SH2D7: variants seen among roughly 807,000 people sequenced by gnomAD.
SH2D7 encodes the protein SH2 domain-containing protein 7.
A neutral mutation model predicts 40.8 loss-of-function variants in SH2D7; 32 were observed. The observed-to-expected ratio is 0.78, with a 90% CI of 0.59 to 1.05. The LOEUF (loss-of-function observed/expected upper bound fraction) is 1.05. Ranked by LOEUF, SH2D7 falls within the 50% of genes least tolerant of loss-of-function variation. The pLI is 0.00. For synonymous variants in SH2D7, 195 were observed against 221.5 expected, an observed-to-expected ratio of 0.88 and a Z score of 1.06; for missense variants, 559 against 566.6, an observed-to-expected ratio of 0.99 and a Z score of 0.14.
intron 2 of SH2D7, 134 bp downstream of exon 2, chr15:78,094,335 A>G: frequency 1.3e-6 from 1 of 748,258 alleles, no homozygotes; most frequent in South Asian, 1.8e-5. Flanking sequence ...TCAATCATCC[A>G]TCACATGCTC....
At chr15:78,092,869 G>C (rs868722018) in intron 1 of SH2D7, 109 bp downstream of exon 1, 1 of 1,339,798 alleles carries the variant, frequency 7.5e-7, no homozygotes, top group Middle Eastern at 1.9e-4. Context: ...CCCTGGGCTA[G>C]GCAGGGGCCC....
At chr15:78,100,834 T>C in intron 4 of SH2D7, 65 bp from the exon 5 acceptor site, 1 of 1,562,768 alleles carries the variant, frequency 6.4e-7, no homozygotes, top group Non-Finnish European at 8.7e-7. Context: ...CTGAGAGAGT[T>C]TTTACTGGAG....
intron 2 of SH2D7, among the ~76,000 whole-genome samples, chr15:78,096,974 C>T (rs1317051536): frequency 3.3e-5 from 5 of 152,050 alleles, no homozygotes; most frequent in Admixed American, 6.6e-5. Flanking sequence ...AGCCCAAATC[C>T]GGAAACTACC....
At chr15:78,103,388 T>G in intron 5 of SH2D7, 77 bp from the exon 6 acceptor site, 2 of 1,522,704 alleles carry the variant, frequency 1.3e-6, no homozygotes, top group Non-Finnish European at 1.8e-6. Context: ...CCAAGGTCAA[T>G]GAGGGGTCCT....
At chr15:78,103,414 T>C in intron 5 of SH2D7, 51 bp from the exon 6 acceptor site, 2 of 1,548,386 alleles carry the variant, frequency 1.3e-6, no homozygotes, top group Admixed American at 3.9e-5. Flanking sequence ...CCTGGGTCTT[T>C]CCCTCCCTGT....
intron 2 of SH2D7, among the ~76,000 whole-genome samples, chr15:78,094,941 G>T (rs1016498798): frequency 6.6e-6 from 1 of 152,228 alleles, no homozygotes; most frequent in South Asian, 2.1e-4. Context: ...CCAAGAGTAG[G>T]TTGGTCAGGA....
chr15:78,103,742 T>A lies in SH2D7; in HGVS notation c.*227T>A, dbSNP rs1019506177. On this transcript the variant is annotated 3_prime_UTR_variant, in exon 6 of 6. Transcript: ENST00000328828. Reference sequence around the variant, plus strand: ...GGCTATGTCCTGCTTTCCTTGTGCCTCCCATCCATGCACAGGAGGGACTGG... The same window carrying A: ...GGCTATGTCCTGCTTTCCTTGTGCCACCCATCCATGCACAGGAGGGACTGG... 3 of 552,634 alleles carry A rather than the reference T, an allele frequency of 5.4e-6. No homozygotes were observed. Among genetic ancestry groups the A allele is most frequent in the Non-Finnish European group, 9.7e-6 (3 of 310,526 alleles). The allele number at this position is 552,634 out of a possible 1,614,324, so 34.2% of individuals were successfully genotyped here.
In SH2D7 at chr15:78,097,920, G is replaced by A. The variant is rs1343857712; in HGVS notation, c.267-9G>A. The A allele has an allele frequency of 1.2e-6, 2 of 1,612,806 alleles. No homozygotes were observed. The highest frequency in any genetic ancestry group is 1.7e-6 in the Non-Finnish European group (2 of 1,179,246). ...CAGCAGCCCCAGACCACAAGCACTT[G>A]TGTTGCAGGGGCAGTGATCGCTGCC... On this transcript the variant is annotated splice_polypyrimidine_tract_variant and intron_variant, in intron 2 of 5. Transcript: ENST00000328828.
chr15:78,094,324 C>A, intron 2 of SH2D7, 123 bp downstream of exon 2: 1 of 802,266 alleles, frequency 1.2e-6, no homozygotes, highest in Non-Finnish European at 2.0e-6. Context: ...TCCTGAATCC[C>A]TCAATCATCC....
chr15:78,091,945 GTTC>G (rs1480136814), upstream of SH2D7, among the ~76,000 whole-genome samples: 1 of 152,162 alleles, frequency 6.6e-6, no homozygotes, highest in Non-Finnish European at 1.5e-5. Flanking sequence ...GTGCTCTCTT[GTTC>G]TTCTGCCTTT....
intron 2 of SH2D7, among the ~76,000 whole-genome samples, chr15:78,095,779 C>A (rs1467277116): frequency 2.0e-5 from 3 of 152,056 alleles, no homozygotes; most frequent in Non-Finnish European, 2.9e-5. Flanking sequence ...ACAAAAAGCG[C>A]TAATCTTAAA....
At chr15:78,092,915 G>A (rs980745931) in intron 1 of SH2D7, among the ~76,000 whole-genome samples, 155 bp downstream of exon 1, 2 of 152,236 alleles carry the variant, frequency 1.3e-5, no homozygotes, top group African/African-American at 2.4e-5. Flanking sequence ...ACTGAGGAGC[G>A]CCACATCCTC....
In SH2D7 at chr15:78,101,207, T is replaced by C. The variant is rs2074013205; in HGVS notation, c.954T>C (p.Ser318=). ...AGTCTCCCACTTCCTGGGGATGTTC[T>C]GATGCCATGGGATCCCTGGGGGCTA... The part of the protein sequence containing the change: ...PTESPTSWGC[S]DAMGSLGATW... The change falls in exon 5 of 6, where the codon TCT becomes TCC. Residue 318 remains serine, a synonymous_variant. Transcript: ENST00000328828. 6.3e-7 allele frequency: 1 copy of C among 1,598,140 alleles called. No individual in the cohort carries two copies. The highest frequency in any genetic ancestry group is 1.4e-5 in the African/African-American group (1 of 73,942).
At chr15:78,095,435 C>T (rs922536015) in intron 2 of SH2D7, among the ~76,000 whole-genome samples, 9 of 152,054 alleles carry the variant, frequency 5.9e-5, no homozygotes, top group African/African-American at 2.2e-4. Flanking sequence ...AAAGTGGGAC[C>T]GCCCAAAGGT....
At chr15:78,094,725 C>A (rs2073959959) in intron 2 of SH2D7, among the ~76,000 whole-genome samples, 1 of 152,140 alleles carries the variant, frequency 6.6e-6, no homozygotes, top group African/African-American at 2.4e-5. Flanking sequence ...GAAGGATGAT[C>A]TGGTTCAATG....
chr15:78,100,749 C>A, intron 4 of SH2D7, 150 bp from the exon 5 acceptor site: 1 of 793,072 alleles, frequency 1.3e-6, no homozygotes, highest in Non-Finnish European at 2.0e-6. Context: ...CTGGAAGGGA[C>A]CCTGAGTGTC....
At chr15:78,098,991 C>T (rs920401112) in intron 4 of SH2D7, among the ~76,000 whole-genome samples, 2 of 151,702 alleles carry the variant, frequency 1.3e-5, no homozygotes, top group African/African-American at 2.4e-5. Flanking sequence ...TCCATAGCAC[C>T]CCATGGACTC....
intron 1 of SH2D7, among the ~76,000 whole-genome samples, chr15:78,093,674 G>A (rs1420075962): frequency 6.6e-6 from 1 of 152,256 alleles, no homozygotes; most frequent in African/African-American, 2.4e-5. Flanking sequence ...CCCTGCAGAA[G>A]CTTGTGTGTA....
Position 78,101,392 on chromosome 15 carries a change from G to A in SH2D7, c.1139G>A (p.Cys380Tyr), listed in dbSNP as rs1229199091. Residue 380 changes from cysteine (C) to tyrosine (Y), a missense_variant, in exon 5 of 6, where the codon TGC (cysteine) becomes TAC (tyrosine). Physicochemically the swap from Cys to Tyr is radical, Grantham distance 194. Coordinates refer to ENST00000328828, the MANE Select transcript of SH2D7 (RefSeq NM_001101404.2). Reference sequence around the variant, plus strand: ...AGCACCTATGAGCAGATCCCAGCTTGCTGGGGTGGCCCAGCCAGGGCCCCA... The same window carrying A: ...AGCACCTATGAGCAGATCCCAGCTTACTGGGGTGGCCCAGCCAGGGCCCCA... ...EGSTYEQIPACWGGPARAPHP... is the reference protein window; with the variant it reads ...EGSTYEQIPAYWGGPARAPHP... 6.2e-7 allele frequency: 1 copy of A among 1,613,366 alleles called. No individual in the cohort carries two copies. Among genetic ancestry groups the A allele is most frequent in the Non-Finnish European group, 8.5e-7 (1 of 1,179,730 alleles).
Sources: allele counts gnomAD v4.1 joint callset (sites outside exome capture counted in the v4.1 genomes callset), GRCh38; gene constraint gnomAD v4.1.1; transcripts MANE v1.5; gene names NCBI Gene and HGNC (gene_info 2026-07-23, HGNC 2026-07-21).